Variants in WWC2 observed in about 807,000 individuals in gnomAD.
The protein encoded by WWC2 is WW and C2 domain containing 2.
A neutral mutation model predicts 138.5 loss-of-function variants in WWC2; 101 were observed. That is an observed-to-expected ratio of 0.73 (90% CI 0.62 to 0.86). The LOEUF is 0.86. Ranked by LOEUF, WWC2 falls within the 40% of genes least tolerant of loss-of-function variation. WWC2 has a pLI of 0.00. For synonymous variants in WWC2, 558 were observed against 538.4 expected, an observed-to-expected ratio of 1.04 and a Z score of -0.50; for missense variants, 1,420 against 1,419.4, an observed-to-expected ratio of 1.00 and a Z score of -0.01.
At chr4:183,282,942 C>G (rs773388796) in intron 18 of WWC2, 36 bp downstream of exon 18, 7 of 1,521,962 alleles carry the variant, frequency 4.6e-6, no homozygotes, top group Non-Finnish European at 6.2e-6. Context: ...AAACTGATAC[C>G]TTACAGGCAC....
intron 1 of WWC2, among the ~76,000 whole-genome samples, chr4:183,136,607 G>C (rs1733122724): frequency 6.6e-6 from 1 of 152,166 alleles, no homozygotes; most frequent in East Asian, 1.9e-4. Flanking sequence ...TTTCGTCATT[G>C]TGTGAACATC....
At chr4:183,101,503 C>T (rs575308696) in intron 1 of WWC2, among the ~76,000 whole-genome samples, 1 of 152,236 alleles carries the variant, frequency 6.6e-6, no homozygotes, top group African/African-American at 2.4e-5. Context: ...CTTAAATATT[C>T]AGAGACATAA....
chr4:183,132,383 C>T (rs935012864), intron 1 of WWC2, among the ~76,000 whole-genome samples: 1 of 151,602 alleles, frequency 6.6e-6, no homozygotes, highest in Non-Finnish European at 1.5e-5. Context: ...AAGTTCCCTT[C>T]TGTTCCTAGC....
chr4:183,268,891 G>T, intron 14 of WWC2, 80 bp from the exon 15 acceptor site: 1 of 1,367,758 alleles, frequency 7.3e-7, no homozygotes, highest in South Asian at 1.4e-5. Context: ...TTCTCTCTTT[G>T]CAGATAATTT....
intron 1 of WWC2, among the ~76,000 whole-genome samples, chr4:183,135,328 C>T (rs554860085): frequency 2.2e-4 from 34 of 151,958 alleles, no homozygotes; most frequent in African/African-American, 8.2e-4. Flanking sequence ...CCTGCCTTTT[C>T]TTCCTATTTA....
intron 1 of WWC2, among the ~76,000 whole-genome samples, chr4:183,118,186 T>C (rs1183876563): frequency 6.6e-6 from 1 of 152,254 alleles, no homozygotes; most frequent in Non-Finnish European, 1.5e-5. Context: ...TGCCACGTTA[T>C]AGTTTGCTTT....
chr4:183,208,125 C>T lies in WWC2; in HGVS notation c.414C>T (p.Ala138=). The change falls in exon 3 of 23, where the codon GCC becomes GCT. Residue 138 remains alanine (A), a synonymous_variant. Transcript: ENST00000403733. The part of the protein sequence containing the change: ...ALDEYVRLND[A]YKEKSSSHTS... The stretch of plus-strand genomic sequence containing the variant: ...ATGAATACGTGCGATTAAATGATGC[C>T]TATAAGGAAAAGTCAAGTTCTCACA... 6.2e-7 allele frequency: 1 copy of T among 1,613,640 alleles called. No individual in the cohort carries two copies. Among genetic ancestry groups the T allele is most frequent in the Non-Finnish European group, 8.5e-7 (1 of 1,179,698 alleles).
chr4:183,158,317 T>A (rs1361444078), intron 1 of WWC2, among the ~76,000 whole-genome samples: 1 of 152,144 alleles, frequency 6.6e-6, no homozygotes, highest in Admixed American at 6.5e-5. Flanking sequence ...CATAACAAAG[T>A]AGCACTGACT....
At chr4:183,133,450 A>G (rs1009371368) in intron 1 of WWC2, among the ~76,000 whole-genome samples, 1 of 151,714 alleles carries the variant, frequency 6.6e-6, no homozygotes, top group African/African-American at 2.4e-5. Context: ...TTTTATATCT[A>G]TGTTCTCAGG....
chr4:183,125,310 A>G (rs912530369), intron 1 of WWC2, among the ~76,000 whole-genome samples: 1 of 152,180 alleles, frequency 6.6e-6, no homozygotes, highest in East Asian at 1.9e-4. Flanking sequence ...CTAGTTATAT[A>G]TGAGTGCTCC....
At chr4:183,214,498 A>G (rs1162558492) in intron 4 of WWC2, among the ~76,000 whole-genome samples, 1 of 152,200 alleles carries the variant, frequency 6.6e-6, no homozygotes, top group Non-Finnish European at 1.5e-5. Flanking sequence ...CTTCAAATAA[A>G]AAGAAATATG....
chr4:183,282,118 T>A (rs1738095703), intron 17 of WWC2, among the ~76,000 whole-genome samples: 1 of 152,212 alleles, frequency 6.6e-6, no homozygotes, highest in Non-Finnish European at 1.5e-5. Flanking sequence ...ATCCTAGTAC[T>A]CCTGCTTTAT....
At chr4:183,217,543 C>T (rs1436111013) in intron 4 of WWC2, among the ~76,000 whole-genome samples, 1 of 150,442 alleles carries the variant, frequency 6.6e-6, no homozygotes, top group Admixed American at 6.6e-5. Context: ...TACATATGCT[C>T]AAGAATGTAA....
chr4:183,280,885 C>G lies in WWC2; in HGVS notation c.2672C>G (p.Pro891Arg). Residue 891 changes from proline (P) to arginine (R), a missense_variant, in exon 17 of 23, where the codon CCA (proline) becomes CGA (arginine). Coordinates refer to ENST00000403733, the MANE Select transcript of WWC2 (RefSeq NM_024949.6). ...EESGQEEPRG[P>R]DGDWLTMLRE... ...TCAGGACAAGAAGAGCCAAGGGGCC[C>G]AGATGGAGACTGGTTAAACACTTAT... is the stretch of plus-strand genomic sequence containing the variant. 4 of 1,567,134 alleles carry G rather than the reference C, an allele frequency of 2.6e-6. No homozygotes were observed. The highest frequency in any genetic ancestry group is 3.5e-6 in the Non-Finnish European group (4 of 1,155,466).
intron 1 of WWC2, among the ~76,000 whole-genome samples, chr4:183,187,981 C>A (rs368672978): frequency 1.3e-5 from 2 of 152,158 alleles, no homozygotes; most frequent in Non-Finnish European, 2.9e-5. Flanking sequence ...TTGCATAATT[C>A]TTGGAACATA....
chr4:183,251,404 C>T (rs955742959), intron 8 of WWC2, among the ~76,000 whole-genome samples: 2 of 152,208 alleles, frequency 1.3e-5, no homozygotes, highest in South Asian at 2.1e-4. Flanking sequence ...GGGCCTTAAG[C>T]CCCTGCATTC....
chr4:183,185,893 G>A (rs1380454054), intron 1 of WWC2, among the ~76,000 whole-genome samples: 2 of 149,660 alleles, frequency 1.3e-5, no homozygotes, highest in Non-Finnish European at 3.0e-5. Flanking sequence ...TTCAGTAAGT[G>A]TTTTATATTA....
intron 2 of WWC2, among the ~76,000 whole-genome samples, chr4:183,197,527 C>T (rs1325627797): frequency 6.6e-6 from 1 of 152,122 alleles, no homozygotes; most frequent in Admixed American, 6.6e-5. Context: ...AAGATTTGAC[C>T]TTGACTGTGA....
chr4:183,110,710 T>C (rs1367360706), intron 1 of WWC2, among the ~76,000 whole-genome samples: 4 of 152,206 alleles, frequency 2.6e-5, no homozygotes, highest in African/African-American at 9.7e-5. Flanking sequence ...ATAGACATTG[T>C]GTTATGACAA....
Sources: allele counts gnomAD v4.1 joint callset (sites outside exome capture counted in the v4.1 genomes callset), GRCh38; gene constraint gnomAD v4.1.1; transcripts MANE v1.5; gene names NCBI Gene and HGNC (gene_info 2026-07-23, HGNC 2026-07-21).